The following SLC30A6 variants were observed in gnomAD, a reference collection of about 807,000 sequenced individuals.
SLC30A6 encodes solute carrier family 30 member 6.
Under a neutral mutation model 63.0 loss-of-function variants are expected in SLC30A6, and 55 were observed. That is an observed-to-expected ratio of 0.87 (90% CI 0.70 to 1.09). SLC30A6 has a LOEUF of 1.09. SLC30A6 is among the 50% of genes least tolerant of loss of function. SLC30A6 has a pLI of 0.00. For missense variants in SLC30A6, 587 were observed against 549.2 expected (o/e 1.07, Z -0.69); for synonymous variants, 224 against 186.1 (o/e 1.20, Z -1.66).
chr2:32,220,242 A>C lies in SLC30A6; in HGVS notation c.915A>C (p.Arg305=), dbSNP rs753267555. Residue 305 remains arginine, a synonymous_variant, in exon 14 of 14, where the codon CGA becomes CGC. Coordinates refer to ENST00000282587, the MANE Select transcript of SLC30A6 (RefSeq NM_017964.5). ...LAGSVHVRIR[R]DANEQMVLAH... ...GATCAGTGCATGTAAGAATTCGACG[A>C]GATGCCAATGAACAAATGGTTCTTG... 42 of 1,613,936 alleles carry C rather than the reference A, an allele frequency of 2.6e-5. No homozygotes were observed. Among genetic ancestry groups the C allele is most frequent in the Non-Finnish European group, 3.4e-5 (40 of 1,179,880 alleles).
chr2:32,202,665 CT>C, intron 10 of SLC30A6: 1 of 623,464 alleles, frequency 1.6e-6, no homozygotes, highest in Non-Finnish European at 3.0e-6. Flanking sequence ...CCATGTTGTG[CT>C]TGATGAAGTG....
intron 13 of SLC30A6, among the ~76,000 whole-genome samples, chr2:32,216,730 G>GT (rs901756473): frequency 2.6e-5 from 4 of 151,846 alleles, no homozygotes; most frequent in Admixed American, 6.6e-5. Context: ...GTATCTTCAT[G>GT]TTTTTTTCCC....
At chr2:32,201,978 TAAGTC>T (rs1489595613) in intron 10 of SLC30A6, 8 of 1,372,946 alleles carry the variant, frequency 5.8e-6, no homozygotes, top group African/African-American at 3.0e-5. Flanking sequence ...CTAAATCTCA[TAAGTC>T]AAGAAGAAAA....
intron 10 of SLC30A6, among the ~76,000 whole-genome samples, chr2:32,199,997 C>T (rs1684128376): frequency 6.6e-6 from 1 of 151,896 alleles, no homozygotes; most frequent in Admixed American, 6.6e-5. Flanking sequence ...CACCTGTAAT[C>T]CCAACCACCT....
intron 13 of SLC30A6, among the ~76,000 whole-genome samples, chr2:32,216,973 C>CT (rs1213353198): frequency 1.3e-5 from 2 of 151,986 alleles, no homozygotes; most frequent in Non-Finnish European, 2.9e-5. Flanking sequence ...ACTGCAACCT[C>CT]TGCCTCCTGG....
rs1686298139 is a variant in SLC30A6 at position 32,224,244 on chromosome 2, G to A, written c.*3531G>A. ...TTAATATGCATTCAGTATACCAGTTGGTGTGACCCAGACCAAAGGTAACAC... is the reference window on the plus strand; with the variant it reads ...TTAATATGCATTCAGTATACCAGTTAGTGTGACCCAGACCAAAGGTAACAC... On this transcript the variant is annotated 3_prime_UTR_variant, in exon 14 of 14. Transcript: ENST00000282587. 6.7e-6 allele frequency: 3 copies of A among 449,322 alleles called. No homozygotes were observed. Among genetic ancestry groups the A allele is most frequent in the Admixed American group, 3.9e-5 (1 of 25,512 alleles). 27.8% of individuals were successfully genotyped at this position (449,322 alleles called of 1,614,324 possible).
At position 32,195,821 on chromosome 2, in the gene SLC30A6, C is replaced by T. The variant is rs908673850; in HGVS notation, c.497-1523C>T. ...CCTCCCAAAGTGCTGGGACGACAGG[C>T]GTGAGCCACTGCTCCCAGCCTACTT... is the stretch of plus-strand genomic sequence containing the variant. On this transcript the variant is annotated intron_variant, in intron 8 of 13. Transcript: ENST00000282587. Among the ~76,000 whole-genome samples, 8 of 151,958 alleles carry T rather than the reference C, an allele frequency of 5.3e-5. No homozygotes were observed. In the South Asian group the frequency reaches 6.2e-4, roughly 12 times the overall value.
In SLC30A6 at chr2:32,222,885, C is replaced by T. The variant is rs1318333088; in HGVS notation, c.*2172C>T. The T allele has an allele frequency of 6.6e-6, 1 of 152,340 alleles. No individual in the cohort carries two copies. The highest frequency in any genetic ancestry group is 1.9e-4 in the East Asian group (1 of 5,212). 9.4% of individuals were successfully genotyped at this position (152,340 alleles called of 1,614,324 possible). ...GTGCTGCCACCCCATGCATGTCTTC[C>T]CCATCCCCATAGGATTTTAAAGTGT... is the stretch of plus-strand genomic sequence containing the variant. On this transcript the variant is annotated 3_prime_UTR_variant, in exon 14 of 14. Coordinates refer to ENST00000282587, the MANE Select transcript of SLC30A6 (RefSeq NM_017964.5).
At chr2:32,196,711 C>T (rs2148863958) in intron 8 of SLC30A6, among the ~76,000 whole-genome samples, 1 of 152,236 alleles carries the variant, frequency 6.6e-6, no homozygotes, top group Non-Finnish European at 1.5e-5. Context: ...ATTTGGGATC[C>T]TCAGCCTGTA....
At chr2:32,189,696 A>G (rs1273488866) in intron 5 of SLC30A6, among the ~76,000 whole-genome samples, 1 of 134,940 alleles carries the variant, frequency 7.4e-6, no homozygotes, top group Non-Finnish European at 1.5e-5. Flanking sequence ...GCAGCCTTCA[A>G]CACCTGGGCT....
rs984599097 is a variant in SLC30A6, at chr2:32,183,974, CAT to C, written c.219-298_219-297del. On this transcript the variant is annotated intron_variant, in intron 4 of 13. Coordinates refer to ENST00000282587, the MANE Select transcript of SLC30A6 (RefSeq NM_017964.5). ...TACAGAAACCATTTAGGGTGAATAA[CAT>C]TGTGTAGTGGAAGTATGAATTTAGG... Among the ~76,000 whole-genome samples the C allele has an allele frequency of 2.8e-4, 42 of 152,090 alleles. 1 individual carries two copies. The highest frequency in any genetic ancestry group is 2.6e-4 in the Admixed American group (4 of 15,274).
At chr2:32,182,157 A>G (rs1325041715) in intron 4 of SLC30A6, among the ~76,000 whole-genome samples, 1 of 151,304 alleles carries the variant, frequency 6.6e-6, no homozygotes, top group African/African-American at 2.4e-5. Flanking sequence ...CTGGTCTTGT[A>G]CTCTTGGGCT....
At chr2:32,219,529 G>T (rs900621612) in intron 13 of SLC30A6, among the ~76,000 whole-genome samples, 1 of 152,078 alleles carries the variant, frequency 6.6e-6, no homozygotes, top group Non-Finnish European at 1.5e-5. Context: ...CCGCCTCCTG[G>T]GTTCAAGCTG....
At chr2:32,180,427 G>T (rs1029299263) in intron 4 of SLC30A6, among the ~76,000 whole-genome samples, 3 of 151,388 alleles carry the variant, frequency 2.0e-5, no homozygotes, top group Admixed American at 6.6e-5. Context: ...AAAAAAAAAG[G>T]ATTTTATTTA....
At chr2:32,207,346 G>A (rs983536868) in intron 12 of SLC30A6, among the ~76,000 whole-genome samples, 4 of 151,862 alleles carry the variant, frequency 2.6e-5, no homozygotes, top group African/African-American at 9.7e-5. Flanking sequence ...GAGTAGGTGA[G>A]ACTACAGGCG....
chr2:32,199,201 A>G (rs936385551), intron 10 of SLC30A6, among the ~76,000 whole-genome samples: 3 of 152,210 alleles, frequency 2.0e-5, no homozygotes, highest in Admixed American at 6.5e-5. Flanking sequence ...ACATTTTCCA[A>G]TGCATAATGG....
chr2:32,182,812 T>C (rs187137638), intron 4 of SLC30A6, among the ~76,000 whole-genome samples: 4 of 152,320 alleles, frequency 2.6e-5, no homozygotes, highest in Non-Finnish European at 5.9e-5. Context: ...GAGCAGCATT[T>C]TGACGCAGCT....
Position 32,220,776 on chromosome 2 carries a change from C to G in SLC30A6, c.*63C>G. The stretch of plus-strand genomic sequence containing the variant: ...TTGGCTTCCAATTTATTTAGTAATC[C>G]AACTTTGCATTGACTGTTTAATCAT... On this transcript the variant is annotated 3_prime_UTR_variant, in exon 14 of 14. Transcript: ENST00000282587. The G allele has an allele frequency of 1.4e-6, 2 of 1,430,518 alleles. No homozygotes were observed. The highest frequency in any genetic ancestry group is 2.6e-5 in the South Asian group (2 of 75,634). The allele number at this position is 1,430,518 out of a possible 1,614,324, so 88.6% of individuals were successfully genotyped here. A position where few individuals can be genotyped will look rare whatever the true frequency, so the allele number is the denominator to read the frequency against.
chr2:32,203,124 T>G, intron 10 of SLC30A6: 1 of 1,301,882 alleles, frequency 7.7e-7, no homozygotes, highest in Non-Finnish European at 1.1e-6. Context: ...TTTTAAAGTT[T>G]TGGTGGCAAC....
Sources: gnomAD v4.1 joint callset for allele counts (sites outside exome capture counted in the v4.1 genomes callset) on GRCh38, gnomAD v4.1.1 for gene constraint, MANE v1.5 for transcripts, NCBI Gene and HGNC (gene_info 2026-07-23, HGNC 2026-07-21) for gene names.